The following RGS6 variants were observed in gnomAD, a reference collection of about 807,000 sequenced individuals.
The protein encoded by RGS6 is regulator of G protein signaling 6.
A neutral mutation model predicts 78.5 loss-of-function variants in RGS6; 30 were observed. That is an observed-to-expected ratio of 0.38 (90% CI 0.29 to 0.52). The LOEUF (loss-of-function observed/expected upper bound fraction) is 0.52. RGS6 is among the 20% of genes least tolerant of loss of function. The probability of loss-of-function intolerance (pLI) is 0.85; values close to 1 mark genes in which losing one functional copy is unlikely to be tolerated. For missense variants in RGS6, 495 were observed against 609.7 expected (o/e 0.81, Z 1.98); for synonymous variants, 206 against 206.0 (o/e 1.00, Z 0.00).
chr14:72,282,751 T>C (rs1046142715), intron 2 of RGS6, among the ~76,000 whole-genome samples: 2 of 152,198 alleles, frequency 1.3e-5, no homozygotes, highest in Admixed American at 6.5e-5. Context: ...TTGTGCCCCC[T>C]TGTTGTTTTT....
chr14:72,098,592 A>C (rs2095460651), intron 2 of RGS6, among the ~76,000 whole-genome samples: 1 of 152,184 alleles, frequency 6.6e-6, no homozygotes, highest in Admixed American at 6.5e-5. Context: ...ATTTTTGGAG[A>C]TAATTGAAAG....
chr14:72,483,663 G>A (rs1370814232), intron 12 of RGS6, among the ~76,000 whole-genome samples: 2 of 151,788 alleles, frequency 1.3e-5, no homozygotes, highest in Non-Finnish European at 2.9e-5. Context: ...TGGGATTTCA[G>A]AAACCATGGG....
At chr14:71,922,842 G>A in the RGS6 span, among the ~76,000 whole-genome samples, 43 of 146,758 alleles carry the variant, frequency 2.9e-4, no homozygotes, top group Non-Finnish European at 5.1e-4. Flanking sequence ...AAATGTGATG[G>A]GAAGACAAAA....
At chr14:72,243,868 T>C (rs1442119169) in intron 2 of RGS6, among the ~76,000 whole-genome samples, 1 of 152,152 alleles carries the variant, frequency 6.6e-6, no homozygotes, top group East Asian at 1.9e-4. Context: ...ATAAAGGGAA[T>C]ACAGTTCACT....
intron 2 of RGS6, among the ~76,000 whole-genome samples, chr14:72,266,054 T>C: frequency 6.6e-6 from 1 of 152,184 alleles, no homozygotes; most frequent in South Asian, 2.1e-4. Context: ...CAGTAAACTG[T>C]TTCCCTATCA....
chr14:72,389,310 A>G (rs1345443985), intron 3 of RGS6, among the ~76,000 whole-genome samples: 1 of 151,990 alleles, frequency 6.6e-6, no homozygotes, highest in African/African-American at 2.4e-5. Context: ...TTCTTTACTT[A>G]GCATCTACTC....
At chr14:72,410,971 G>C (rs2093365862) in intron 3 of RGS6, among the ~76,000 whole-genome samples, 1 of 152,214 alleles carries the variant, frequency 6.6e-6, no homozygotes, top group Admixed American at 6.5e-5. Flanking sequence ...GGTTACTGTA[G>C]CCTTGTAGTA....
chr14:72,484,640 C>G (rs2096454173), intron 12 of RGS6, among the ~76,000 whole-genome samples: 1 of 152,094 alleles, frequency 6.6e-6, no homozygotes, highest in Admixed American at 6.6e-5. Context: ...CATATTTTCT[C>G]AAGTGGTTGG....
intron 2 of RGS6, among the ~76,000 whole-genome samples, chr14:72,060,641 C>A (rs1021922136): frequency 8.5e-5 from 13 of 152,106 alleles, no homozygotes; most frequent in Non-Finnish European, 1.5e-4. Flanking sequence ...TGCAGCTAAA[C>A]CTGGATTATA....
At chr14:72,270,462 C>A (rs1426317334) in intron 2 of RGS6, among the ~76,000 whole-genome samples, 1 of 152,234 alleles carries the variant, frequency 6.6e-6, no homozygotes, top group Non-Finnish European at 1.5e-5. Context: ...TCAGATGTCA[C>A]CTGAGGACGT....
intron 2 of RGS6, among the ~76,000 whole-genome samples, chr14:72,292,061 C>CT (rs1555619160): frequency 2.7e-5 from 4 of 150,238 alleles, no homozygotes; most frequent in Admixed American, 6.7e-5. Flanking sequence ...CACAGTAACA[C>CT]GGTAGGGAGC....
intron 2 of RGS6, among the ~76,000 whole-genome samples, chr14:72,016,624 C>T (rs2087052928): frequency 6.6e-6 from 1 of 152,222 alleles, no homozygotes; most frequent in Non-Finnish European, 1.5e-5. Flanking sequence ...CTCGGCCTCC[C>T]AAAATGCTGG....
the RGS6 span, among the ~76,000 whole-genome samples, chr14:72,625,028 A>G: frequency 6.6e-6 from 1 of 152,178 alleles, no homozygotes; most frequent in Non-Finnish European, 1.5e-5. Context: ...GTAATATACT[A>G]ATAAGTAATA....
At chr14:72,030,112 A>G (rs574992534) in intron 2 of RGS6, among the ~76,000 whole-genome samples, 1 of 152,344 alleles carries the variant, frequency 6.6e-6, no homozygotes, top group Admixed American at 6.5e-5. Context: ...GTTATTAATG[A>G]CACATATTAT....
intron 1 of RGS6, among the ~76,000 whole-genome samples, chr14:71,951,637 T>A (rs961193987): frequency 6.6e-6 from 1 of 152,212 alleles, no homozygotes; most frequent in African/African-American, 2.4e-5. Flanking sequence ...TAAAGTCATC[T>A]TCTGATGGGA....
intron 2 of RGS6, among the ~76,000 whole-genome samples, chr14:72,093,349 C>T (rs2095325959): frequency 2.0e-5 from 3 of 152,058 alleles, no homozygotes; most frequent in African/African-American, 7.2e-5. Context: ...CTCAAGTGAT[C>T]CTCCTACCTC....
chr14:72,451,295 C>T (rs1290920951), intron 3 of RGS6, among the ~76,000 whole-genome samples: 1 of 152,200 alleles, frequency 6.6e-6, no homozygotes, highest in Non-Finnish European at 1.5e-5. Flanking sequence ...TCTGTGGTCT[C>T]CATGGGGCTA....
At chr14:72,417,966 G>T (rs1453449824) in intron 3 of RGS6, among the ~76,000 whole-genome samples, 1 of 152,106 alleles carries the variant, frequency 6.6e-6, no homozygotes, top group African/African-American at 2.4e-5. Context: ...AGCATAGCTT[G>T]GGGGCGATCT....
At chr14:72,193,534 G>T (rs759053703) in intron 2 of RGS6, among the ~76,000 whole-genome samples, 4 of 152,212 alleles carry the variant, frequency 2.6e-5, no homozygotes, top group Non-Finnish European at 5.9e-5. Context: ...GAGGTGAACA[G>T]CTCACAGATC....
Sources: gnomAD v4.1 joint callset for allele counts (sites outside exome capture counted in the v4.1 genomes callset) on GRCh38, gnomAD v4.1.1 for gene constraint, MANE v1.5 for transcripts, NCBI Gene and HGNC (gene_info 2026-07-23, HGNC 2026-07-21) for gene names.